The following PXDNL variants were observed in gnomAD, a reference collection of about 807,000 sequenced individuals.
PXDNL encodes the protein peroxidasin like, also known as probable oxidoreductase PXDNL.
Under a neutral mutation model 150.8 loss-of-function variants are expected in PXDNL, and 145 were observed. The observed-to-expected ratio is 0.96, with a 90% CI of 0.84 to 1.10. PXDNL has a LOEUF of 1.10. Among genes scored for constraint, PXDNL ranks in the 50% least tolerant of loss-of-function variants. PXDNL has a pLI of 0.00. For missense variants in PXDNL, 2,087 were observed against 1,873.9 expected (o/e 1.11, Z -2.10); for synonymous variants, 757 against 725.7 (o/e 1.04, Z -0.69).
At chr8:51,333,434 A>G (rs1265069657) in intron 21 of PXDNL, among the ~76,000 whole-genome samples, 4 of 152,174 alleles carry the variant, frequency 2.6e-5, no homozygotes, top group Non-Finnish European at 5.9e-5. Flanking sequence ...GTTAAAAAGT[A>G]AAAGCAAAAA....
chr8:51,698,479 T>A (rs1272202023), intron 1 of PXDNL, among the ~76,000 whole-genome samples: 1 of 152,194 alleles, frequency 6.6e-6, no homozygotes, highest in Non-Finnish European at 1.5e-5. Context: ...TTTAGTCACA[T>A]CCTCAGGCTC....
At position 51,435,916 on chromosome 8, in the gene PXDNL, G is replaced by A. The variant is rs566661033; in HGVS notation, c.1526-9158C>T. ...CGTAAGCATAAATAATTTGAGATTA[G>A]TGAGTTCTGTGAAATGAAAAACTGT... is the stretch of plus-strand genomic sequence containing the variant. On this transcript the variant is annotated intron_variant, in intron 12 of 22. Transcript: ENST00000356297. The A allele has an allele frequency of 1.0e-4, 50 of 486,210 alleles. No individual in the cohort carries two copies. The Middle Eastern group carries it at 1.3e-3, about 12-fold the overall frequency. 30.1% of individuals were successfully genotyped at this position (486,210 alleles called of 1,614,324 possible).
At chr8:51,553,482 C>T (rs768863374) in intron 4 of PXDNL, among the ~76,000 whole-genome samples, 2 of 152,158 alleles carry the variant, frequency 1.3e-5, no homozygotes, top group Admixed American at 6.6e-5. Flanking sequence ...TACCAAACTA[C>T]GGACTCTGTA....
intron 17 of PXDNL, among the ~76,000 whole-genome samples, chr8:51,385,430 A>T (rs1807672292): frequency 6.6e-6 from 1 of 152,184 alleles, no homozygotes; most frequent in African/African-American, 2.4e-5. Context: ...TGGGGTAAGT[A>T]ATCTACAGTA....
chr8:51,394,148 C>T lies in PXDNL; in HGVS notation c.3557+13919G>A, dbSNP rs75822237. Among the ~76,000 whole-genome samples, 357 of 152,216 alleles carry T rather than the reference C, an allele frequency of 2.3e-3. 2 individuals are homozygous for T. The highest frequency in any genetic ancestry group is 8.3e-3 in the African/African-American group (343 of 41,518). Reference sequence around the variant, plus strand: ...CAGGGCATATACAGAAGAGATTTGCCTCAAACTATTCTATATATGTTGGAG... The same window carrying T: ...CAGGGCATATACAGAAGAGATTTGCTTCAAACTATTCTATATATGTTGGAG... On this transcript the variant is annotated intron_variant, in intron 17 of 22. Transcript: ENST00000356297.
chr8:51,744,897 AGAAG>A (rs138286122), intron 1 of PXDNL, among the ~76,000 whole-genome samples: 5,466 of 143,768 alleles, frequency 0.038, 313 homozygotes, highest in African/African-American at 0.11. Flanking sequence ...AAGGAAGGAA[AGAAG>A]GAAGGAAGGA....
intron 1 of PXDNL, among the ~76,000 whole-genome samples, chr8:51,735,727 T>C (rs886925686): frequency 3.3e-5 from 5 of 149,402 alleles, no homozygotes; most frequent in African/African-American, 1.2e-4. Flanking sequence ...TTTGTATTTT[T>C]AGTAGAGACG....
chr8:51,628,300 T>C (rs1814404153), intron 2 of PXDNL, among the ~76,000 whole-genome samples: 1 of 151,852 alleles, frequency 6.6e-6, no homozygotes, highest in Non-Finnish European at 1.5e-5. Flanking sequence ...CACAAGTCAA[T>C]CTACAAGCTT....
At chr8:51,393,101 G>C (rs1382805391) in intron 17 of PXDNL, among the ~76,000 whole-genome samples, 1 of 152,148 alleles carries the variant, frequency 6.6e-6, no homozygotes, top group Non-Finnish European at 1.5e-5. Context: ...ATGCCGCTCT[G>C]AAATGAAAAG....
chr8:51,408,296 T>C lies in PXDNL; in HGVS notation c.3328A>G (p.Lys1110Glu). 1 of 1,613,972 alleles carries C rather than the reference T, an allele frequency of 6.2e-7. No individual in the cohort carries two copies. The highest frequency in any genetic ancestry group is 8.5e-7 in the Non-Finnish European group (1 of 1,179,864). ...VLRGLFGVAA[K>E]WRAPSYLLSP... ...AGAAGGTAGGAGGGTGCCCGCCATTTAGCAGCCACGCCAAACAGCCCCCGG... is the reference window on the plus strand; with the variant it reads ...AGAAGGTAGGAGGGTGCCCGCCATTCAGCAGCCACGCCAAACAGCCCCCGG... Residue 1110 changes from lysine (K) to glutamate (E), a missense_variant, in exon 17 of 23, where the codon AAA becomes GAA. By Grantham distance (56) the Lys-to-Glu change is moderately conservative (BLOSUM62 1). Coordinates refer to ENST00000356297, the MANE Select transcript of PXDNL (RefSeq NM_144651.5).
rs573443806 is a variant in PXDNL at position 51,487,075 on chromosome 8, G to C, written c.453-3361C>G. ...CCCAAAGTGCTGGGATTACAGGAGG[G>C]AGCCACCGCACCCGGCCGAAAAGTT... On this transcript the variant is annotated intron_variant, in intron 5 of 22. Coordinates refer to ENST00000356297, the MANE Select transcript of PXDNL (RefSeq NM_144651.5). Among the ~76,000 whole-genome samples the C allele has an allele frequency of 1.1e-4, 17 of 151,842 alleles. No individual in the cohort carries two copies. The East Asian group carries it at 3.1e-3, about 28-fold the overall frequency.
chr8:51,627,353 T>C (rs957409771), intron 2 of PXDNL, among the ~76,000 whole-genome samples: 3 of 152,218 alleles, frequency 2.0e-5, no homozygotes, highest in African/African-American at 7.2e-5. Context: ...TTTTTAATTA[T>C]TTGTATATGA....
rs1302377455 is a variant in PXDNL, at chr8:51,745,394, C to G, written c.164+63787G>C. 2.6e-5 allele frequency among the ~76,000 whole-genome samples: 4 copies of G among 152,296 alleles called. No individual in the cohort carries two copies. The East Asian group carries it at 5.8e-4, about 22-fold the overall frequency. ...AATAACAACAAAAATAACCCTGATT[C>G]TGTTAGTCCAGCCTCTCTACCTTGC... On this transcript the variant is annotated intron_variant, in intron 1 of 22. Transcript: ENST00000356297.
intron 21 of PXDNL, among the ~76,000 whole-genome samples, chr8:51,323,439 C>T (rs2130608438): frequency 6.6e-6 from 1 of 152,152 alleles, no homozygotes; most frequent in Middle Eastern, 3.4e-3. Flanking sequence ...GCCACCACGT[C>T]CAGCTAATTT....
chr8:51,692,924 TA>T (rs1241338379), intron 1 of PXDNL, among the ~76,000 whole-genome samples: 1 of 152,218 alleles, frequency 6.6e-6, no homozygotes, highest in African/African-American at 2.4e-5. Context: ...ATACAATAGT[TA>T]AATACATTTT....
chr8:51,483,736 T>G (rs1193462697), intron 5 of PXDNL, 22 bp from the exon 6 acceptor site: 1 of 1,252,724 alleles, frequency 8.0e-7, no homozygotes, highest in South Asian at 1.3e-5. Flanking sequence ...AAGATAAACT[T>G]TAATCACCAT....
At chr8:51,735,428 T>C (rs1817011624) in intron 1 of PXDNL, among the ~76,000 whole-genome samples, 1 of 151,268 alleles carries the variant, frequency 6.6e-6, no homozygotes, top group Admixed American at 6.6e-5. Context: ...GAGGTTGCAG[T>C]GAGTCGAGAT....
At chr8:51,750,521 G>T (rs539189171) in intron 1 of PXDNL, among the ~76,000 whole-genome samples, 1 of 151,732 alleles carries the variant, frequency 6.6e-6, no homozygotes, top group African/African-American at 2.4e-5. Context: ...CATAATAATC[G>T]TATGGGACCA....
chr8:51,761,262 T>C (rs192591479), intron 1 of PXDNL, among the ~76,000 whole-genome samples: 21 of 152,254 alleles, frequency 1.4e-4, no homozygotes, highest in Non-Finnish European at 3.1e-4. Context: ...CAAAATCCCA[T>C]GGCATTTGCT....
Sources: allele counts gnomAD v4.1 joint callset (sites outside exome capture counted in the v4.1 genomes callset), GRCh38; gene constraint gnomAD v4.1.1; transcripts MANE v1.5; gene names NCBI Gene and HGNC (gene_info 2026-07-23, HGNC 2026-07-21).